Variants in CABIN1 observed in about 807,000 individuals in gnomAD.
The protein encoded by CABIN1 is calcineurin-binding protein cabin-1.
In CABIN1, 133 loss-of-function variants were observed where a neutral mutation model predicts 227.7. The observed-to-expected ratio is 0.58, with a 90% CI of 0.51 to 0.67. The LOEUF is 0.67. Ranked by LOEUF, CABIN1 falls within the 30% of genes least tolerant of loss-of-function variation. CABIN1 has a pLI of 0.00. For synonymous variants in CABIN1, 1,086 were observed against 1,155.1 expected, an observed-to-expected ratio of 0.94 and a Z score of 1.21; for missense variants, 2,408 against 2,852.5, an observed-to-expected ratio of 0.84 and a Z score of 3.55.
At chr22:24,075,308 G>A (rs893348069) in intron 18 of CABIN1, among the ~76,000 whole-genome samples, 1 of 152,206 alleles carries the variant, frequency 6.6e-6, no homozygotes, top group Non-Finnish European at 1.5e-5. Context: ...GTTATAAGTC[G>A]TTAATGGGTT....
At chr22:24,092,699 T>TGC (rs1296096752) in intron 24 of CABIN1, among the ~76,000 whole-genome samples, 1 of 150,770 alleles carries the variant, frequency 6.6e-6, no homozygotes, top group Non-Finnish European at 1.5e-5. Context: ...TGTGTGTGTG[T>TGC]GTGTGTGTGT....
Position 24,064,155 on chromosome 22 carries a change from C to G in CABIN1, c.2005C>G (p.Leu669Val). ...AGACATTGTCATCCGGCTGCCCAAC[C>G]TCCATAATGACTCTGTGGTTTCCCT... ...RRDIVIRLPNLHNDSVVSLEE... is the reference protein window; with the variant it reads ...RRDIVIRLPNVHNDSVVSLEE... Residue 669 changes from leucine (L) to valine (V), a missense_variant, in exon 15 of 37, where the codon CTC becomes GTC. Leu to Val is a conservative substitution (Grantham distance 32). This residue lies in a region of CABIN1 where 1,045 missense variants were observed against 1,168.4 expected (regional missense o/e 0.89). Transcript: ENST00000263119. 1.9e-6 allele frequency: 3 copies of G among 1,614,214 alleles called. No homozygotes were observed. The highest frequency in any genetic ancestry group is 2.5e-6 in the Non-Finnish European group (3 of 1,180,030).
At chr22:24,167,427 T>A in intron 32 of CABIN1, 114 bp downstream of exon 32, 1 of 901,934 alleles carries the variant, frequency 1.1e-6, no homozygotes, top group Non-Finnish European at 1.7e-6. Context: ...GTTTTAGGTG[T>A]TGTTCCCACA....
At chr22:24,146,883 C>T (rs1602341550) in intron 29 of CABIN1, among the ~76,000 whole-genome samples, 1 of 152,192 alleles carries the variant, frequency 6.6e-6, no homozygotes, top group Admixed American at 6.5e-5. Flanking sequence ...CTAGGAGGTG[C>T]AGAATCTCTG....
chr22:24,175,905 G>T, intron 34 of CABIN1: 1 of 659,718 alleles, frequency 1.5e-6, no homozygotes, highest in Admixed American at 2.2e-5. Context: ...GGGGTGGGGA[G>T]CCAGCCCCTA....
At chr22:24,069,557 G>A (rs551962389) in intron 16 of CABIN1, among the ~76,000 whole-genome samples, 1 of 152,278 alleles carries the variant, frequency 6.6e-6, no homozygotes, top group East Asian at 1.9e-4. Context: ...GTTGCATTTA[G>A]TAGTCTTTAT....
intron 3 of CABIN1, among the ~76,000 whole-genome samples, chr22:24,037,868 A>G (rs1430090955): frequency 6.6e-6 from 1 of 152,110 alleles, no homozygotes; most frequent in Non-Finnish European, 1.5e-5. Flanking sequence ...AAAATCAGGG[A>G]TTCTCACCCC....
At chr22:24,062,926 A>G in intron 13 of CABIN1, 33 bp from the exon 14 acceptor site, 1 of 1,604,966 alleles carries the variant, frequency 6.2e-7, no homozygotes, top group Non-Finnish European at 8.5e-7. Context: ...AATGCTACAC[A>G]TGAAGTTGAC....
chr22:24,016,771 C>T (rs113913954), intron 1 of CABIN1, among the ~76,000 whole-genome samples: 3 of 152,292 alleles, frequency 2.0e-5, no homozygotes, highest in African/African-American at 4.8e-5. Context: ...ATGAGAATAG[C>T]GCCTGTTTCT....
At chr22:24,133,521 C>G (rs956107606) in intron 28 of CABIN1, among the ~76,000 whole-genome samples, 6 of 152,200 alleles carry the variant, frequency 3.9e-5, no homozygotes, top group Admixed American at 2.0e-4. Context: ...TTGGCTGGGA[C>G]AGTGGGTGCC....
chr22:24,071,233 C>A lies in CABIN1; in HGVS notation c.2475+191C>A, dbSNP rs765499944. ...GGCTGCAAACCTTCCTGGGGCTGGT[C>A]GGATCTGGGGATTAGAGACTGTGTA... is the stretch of plus-strand genomic sequence containing the variant. On this transcript the variant is annotated intron_variant, in intron 17 of 36. Transcript: ENST00000263119. 15 of 718,258 alleles carry A rather than the reference C, an allele frequency of 2.1e-5. No individual in the cohort carries two copies. In the East Asian group the frequency reaches 4.1e-4, roughly 20 times the overall value. The allele number at this position is 718,258 out of a possible 1,614,324, so 44.5% of individuals were successfully genotyped here. A position where few individuals can be genotyped will look rare whatever the true frequency, so the allele number is the denominator to read the frequency against.
chr22:24,110,186 G>T (rs1488050486), intron 26 of CABIN1, among the ~76,000 whole-genome samples: 1 of 152,128 alleles, frequency 6.6e-6, no homozygotes, highest in Non-Finnish European at 1.5e-5. Flanking sequence ...TTTTTTTTAA[G>T]TTCTATTTTA....
chr22:24,033,238 C>G (rs1042976460), intron 1 of CABIN1, among the ~76,000 whole-genome samples: 27 of 152,304 alleles, frequency 1.8e-4, no homozygotes, highest in African/African-American at 5.5e-4. Flanking sequence ...CTTGCATGAA[C>G]CCTTAAGAGA....
chr22:24,097,228 A>G (rs1406044508), intron 25 of CABIN1, among the ~76,000 whole-genome samples: 2 of 152,234 alleles, frequency 1.3e-5, no homozygotes, highest in Non-Finnish European at 2.9e-5. Context: ...TTCTTGTTAT[A>G]GAACATTCAG....
chr22:24,128,511 G>C (rs1480921249), intron 28 of CABIN1, among the ~76,000 whole-genome samples: 3 of 152,108 alleles, frequency 2.0e-5, no homozygotes, highest in African/African-American at 7.2e-5. Context: ...GTCCCCAGCA[G>C]CCCACTGAGT....
At chr22:24,174,688 T>C (rs1460757743) in intron 34 of CABIN1, among the ~76,000 whole-genome samples, 1 of 151,812 alleles carries the variant, frequency 6.6e-6, no homozygotes, top group Admixed American at 6.6e-5. Context: ...TGAGCTCCCT[T>C]GGGGTGTTGG....
intron 30 of CABIN1, 109 bp downstream of exon 30, chr22:24,164,672 G>C: frequency 1.5e-6 from 2 of 1,291,434 alleles, no homozygotes; most frequent in Non-Finnish European, 2.2e-6. Context: ...ACCACTGGCT[G>C]GGAGCCTGGA....
Position 24,041,400 on chromosome 22 carries a change from G to A in CABIN1, c.345+127G>A. On this transcript the variant is annotated intron_variant, in intron 5 of 36. Coordinates refer to ENST00000263119, the MANE Select transcript of CABIN1 (RefSeq NM_012295.4). ...TGGATCACCAAGCTATAGTACCCAA[G>A]GCTCTAGGGTAGGTCCATAGGTGAT... 3 of 1,214,146 alleles carry A rather than the reference G, an allele frequency of 2.5e-6. No homozygotes were observed. The East Asian group carries it at 7.3e-5, about 30-fold the overall frequency. The allele number at this position is 1,214,146 out of a possible 1,614,324, so 75.2% of individuals were successfully genotyped here.
chr22:24,098,152 C>T lies in CABIN1; in HGVS notation c.4077C>T (p.Tyr1359=), dbSNP rs770122806. 6.2e-7 allele frequency: 1 copy of T among 1,614,178 alleles called. No homozygotes were observed. Among genetic ancestry groups the T allele is most frequent in the Non-Finnish European group, 8.5e-7 (1 of 1,180,038 alleles). ...CAGCCACTCCGATTGACCACGATTA[C>T]GTCAAATGTAAAAAACCCCACCAGC... ...PYTATPIDHD[Y]VKCKKPHQQA... The change falls in exon 26 of 37, where the codon TAC becomes TAT. Residue 1359 remains tyrosine (Y), a synonymous_variant. Coordinates refer to ENST00000263119, the MANE Select transcript of CABIN1 (RefSeq NM_012295.4).
Sources: allele counts gnomAD v4.1 joint callset (sites outside exome capture counted in the v4.1 genomes callset), GRCh38; gene constraint gnomAD v4.1.1; regional missense constraint gnomAD v4.1.1; transcripts MANE v1.5; gene names NCBI Gene and HGNC (gene_info 2026-07-23, HGNC 2026-07-21).